Variants in NOSTRIN observed in about 807,000 individuals in gnomAD.
The protein encoded by NOSTRIN is BM247 homolog.
In NOSTRIN, 63 loss-of-function variants were observed where a neutral mutation model predicts 59.0. The observed-to-expected ratio is 1.07, with a 90% CI of 0.87 to 1.32. NOSTRIN has a LOEUF of 1.32. Ranked by LOEUF, NOSTRIN falls within the 40% of genes most tolerant of loss-of-function variation. The probability of loss-of-function intolerance (pLI) is 0.00; values close to 1 mark genes in which losing one functional copy is unlikely to be tolerated. For missense variants in NOSTRIN, 512 were observed against 473.1 expected (o/e 1.08, Z -0.76); for synonymous variants, 200 against 165.4 (o/e 1.21, Z -1.61).
chr2:168,856,490 G>A, intron 11 of NOSTRIN, 200 bp from the exon 12 acceptor site: 1 of 560,470 alleles, frequency 1.8e-6, no homozygotes, highest in Non-Finnish European at 3.2e-6. Context: ...GAGGAGAATT[G>A]TTTGAACTTG....
intron 1 of NOSTRIN, chr2:168,786,788 C>T (rs943982493): frequency 6.6e-6 from 1 of 152,182 alleles, no homozygotes; most frequent in Non-Finnish European, 1.5e-5. Context: ...CTAAAACTTG[C>T]CTCAGTCTCT....
intron 1 of NOSTRIN, among the ~76,000 whole-genome samples, chr2:168,807,798 A>G (rs968348131): frequency 3.3e-5 from 5 of 152,238 alleles, no homozygotes; most frequent in African/African-American, 1.2e-4. Flanking sequence ...ACACTCTACC[A>G]GTACAAATAT....
chr2:168,861,000 TG>T (rs1574343234), intron 14 of NOSTRIN, 91 bp downstream of exon 14: 1 of 775,508 alleles, frequency 1.3e-6, no homozygotes, highest in Admixed American at 2.1e-5. Flanking sequence ...CACTTTGACC[TG>T]TATCTGTTTA....
chr2:168,865,195 G>A lies in NOSTRIN; in HGVS notation c.*225G>A, dbSNP rs1461847228. The A allele has an allele frequency of 1.9e-6, 1 of 523,214 alleles. No homozygotes were observed. The highest frequency in any genetic ancestry group is 3.4e-6 in the Non-Finnish European group (1 of 298,158). The allele number at this position is 523,214 out of a possible 1,614,324, so 32.4% of individuals were successfully genotyped here. ...AAGAGGCTCCTTGGTTCCTAGAGGA[G>A]TTTCCAAATTCTAGGAGACCCTAGA... is the stretch of plus-strand genomic sequence containing the variant. On this transcript the variant is annotated 3_prime_UTR_variant, in exon 16 of 16. Transcript: ENST00000317647.
intron 2 of NOSTRIN, among the ~76,000 whole-genome samples, chr2:168,816,577 G>T (rs1686418565): frequency 6.6e-6 from 1 of 152,108 alleles, no homozygotes; most frequent in African/African-American, 2.4e-5. Context: ...CACCTTCATT[G>T]CCTGGCTCCA....
chr2:168,825,746 G>A (rs1225048938), intron 3 of NOSTRIN, among the ~76,000 whole-genome samples: 1 of 152,160 alleles, frequency 6.6e-6, no homozygotes, highest in African/African-American at 2.4e-5. Flanking sequence ...CTTGACTAAT[G>A]CATGCAGACG....
intron 8 of NOSTRIN, among the ~76,000 whole-genome samples, chr2:168,850,579 C>G (rs1688699260): frequency 6.6e-6 from 1 of 151,966 alleles, no homozygotes; most frequent in African/African-American, 2.4e-5. Context: ...GGGCTTCACC[C>G]TCTGGAATTC....
At chr2:168,850,386 C>T (rs1208708217) in intron 8 of NOSTRIN, among the ~76,000 whole-genome samples, 1 of 152,164 alleles carries the variant, frequency 6.6e-6, no homozygotes, top group Non-Finnish European at 1.5e-5. Context: ...TAATTTTAGG[C>T]AGAATTATAA....
At chr2:168,820,997 G>A (rs758319579) in intron 2 of NOSTRIN, among the ~76,000 whole-genome samples, 3 of 152,140 alleles carry the variant, frequency 2.0e-5, no homozygotes, top group Admixed American at 6.5e-5. Flanking sequence ...TGGAGCCAAC[G>A]GACAAGAAAA....
In NOSTRIN at chr2:168,840,529, C is replaced by CAAAAAAAAAAAA. The variant is rs59235003; in HGVS notation, c.505-2452_505-2441dup. 1.2e-3 allele frequency among the ~76,000 whole-genome samples: 118 copies of CAAAAAAAAAAAA among 99,310 alleles called. 1 individual carries two copies. Among genetic ancestry groups the CAAAAAAAAAAAA allele is most frequent in the Non-Finnish European group, 1.4e-3 (73 of 50,944 alleles). The allele number at this position is 99,310 out of a possible 152,430, so 65.2% of individuals were successfully genotyped here. A position where few individuals can be genotyped will look rare whatever the true frequency, so the allele number is the denominator to read the frequency against. ...TGGGGGACAGGGCGAGACTCCATCT[C>CAAAAAAAAAAAA]AAAAAAAAAAAAAAAAAAAAAACAA... On this transcript the variant is annotated intron_variant, in intron 7 of 15. Transcript: ENST00000317647.
chr2:168,824,888 C>T lies in NOSTRIN; in HGVS notation c.197+171C>T, dbSNP rs150906247. On this transcript the variant is annotated intron_variant, in intron 3 of 15. Coordinates refer to ENST00000317647, the MANE Select transcript of NOSTRIN (RefSeq NM_001039724.4). The stretch of plus-strand genomic sequence containing the variant: ...ATCCCCCAGGCTCAGGTGATCCTCC[C>T]ACCCAGCCTCCCATATAGAGTAGCT... Among the ~76,000 whole-genome samples, 894 of 152,132 alleles carry T rather than the reference C, an allele frequency of 5.9e-3. 8 individuals carry two copies. The highest frequency in any genetic ancestry group is 0.019 in the African/African-American group (784 of 41,494).
upstream of NOSTRIN, among the ~76,000 whole-genome samples, chr2:168,798,861 G>T (rs976894454): frequency 6.6e-6 from 1 of 152,112 alleles, no homozygotes; most frequent in Non-Finnish European, 1.5e-5. Context: ...TAGTTCTTGA[G>T]AGAAGAAAAA....
intron 2 of NOSTRIN, among the ~76,000 whole-genome samples, chr2:168,812,636 C>A (rs1686202544): frequency 6.6e-6 from 1 of 152,136 alleles, no homozygotes; most frequent in East Asian, 1.9e-4. Flanking sequence ...GAAATCCTAA[C>A]AGGGACAAAG....
At chr2:168,813,568 T>A (rs1199463771) in intron 2 of NOSTRIN, among the ~76,000 whole-genome samples, 1 of 152,174 alleles carries the variant, frequency 6.6e-6, no homozygotes, top group Non-Finnish European at 1.5e-5. Context: ...CCATCTGCCC[T>A]GGACCTATTA....
chr2:168,843,415 A>C (rs1688212739), intron 8 of NOSTRIN, among the ~76,000 whole-genome samples: 6 of 152,238 alleles, frequency 3.9e-5, no homozygotes, highest in Admixed American at 3.3e-4. Context: ...ATTAAGGCTT[A>C]AGTGTTAGGT....
At position 168,856,322 on chromosome 2, in the gene NOSTRIN, A is replaced by G. The variant is rs1240581158; in HGVS notation, c.965-368A>G. 1.5e-5 allele frequency: 4 copies of G among 272,446 alleles called. No individual in the cohort carries two copies. In the Admixed American group the frequency reaches 2.0e-4, roughly 14 times the overall value. 16.9% of individuals were successfully genotyped at this position (272,446 alleles called of 1,614,324 possible). On this transcript the variant is annotated intron_variant, in intron 11 of 15. Coordinates refer to ENST00000317647, the MANE Select transcript of NOSTRIN (RefSeq NM_001039724.4). ...CTGGGTGCTGTGGCTCACGCCTATA[A>G]TCCTAACACTTTGGGAAGCCAAGGC...
intron 2 of NOSTRIN, among the ~76,000 whole-genome samples, chr2:168,792,398 TTAGAA>T (rs1685381396): frequency 6.6e-6 from 1 of 152,096 alleles, no homozygotes; most frequent in Admixed American, 6.5e-5. Flanking sequence ...AGTTTTTGAA[TTAGAA>T]TAGTTTTATT....
intron 8 of NOSTRIN, among the ~76,000 whole-genome samples, chr2:168,844,121 C>G (rs1235099042): frequency 1.3e-5 from 2 of 152,172 alleles, no homozygotes; most frequent in Non-Finnish European, 2.9e-5. Context: ...AATCAACATT[C>G]TTTTAAACTC....
At position 168,850,812 on chromosome 2, in the gene NOSTRIN, T is replaced by C. The variant is rs370309180; in HGVS notation, c.631-272T>C. On this transcript the variant is annotated intron_variant, in intron 8 of 15. Coordinates refer to ENST00000317647, the MANE Select transcript of NOSTRIN (RefSeq NM_001039724.4). ...TCTCAAATGCTTCCTTTTCTTCTTT[T>C]CTCCCCCTTCCTCATAAACTTAGGT... The C allele has an allele frequency of 2.3e-4, 179 of 774,632 alleles. No homozygotes were observed. In the African/African-American group the frequency reaches 2.9e-3, roughly 13 times the overall value. The allele number at this position is 774,632 out of a possible 1,614,324, so 48.0% of individuals were successfully genotyped here. A position where few individuals can be genotyped will look rare whatever the true frequency, so the allele number is the denominator to read the frequency against.
Sources: allele counts gnomAD v4.1 joint callset (sites outside exome capture counted in the v4.1 genomes callset), GRCh38; gene constraint gnomAD v4.1.1; transcripts MANE v1.5; gene names NCBI Gene and HGNC (gene_info 2026-07-23, HGNC 2026-07-21).